Variants in AGO2 observed in about 807,000 individuals in gnomAD.
AGO2 encodes the protein argonaute RISC catalytic component 2.
A neutral mutation model predicts 102.3 loss-of-function variants in AGO2; 5 were observed. That is an observed-to-expected ratio of 0.05 (90% CI 0.03 to 0.10). The LOEUF (loss-of-function observed/expected upper bound fraction) is 0.10. AGO2 is among the 10% of genes least tolerant of loss of function. The pLI, the probability that AGO2 is intolerant of heterozygous loss-of-function variation, is 1.00. For missense variants in AGO2, 541 were observed against 1,183.7 expected (o/e 0.46, Z 7.97); for synonymous variants, 449 against 473.1 (o/e 0.95, Z 0.66).
At chr8:140,583,975 T>C (rs1376223706) in intron 2 of AGO2, among the ~76,000 whole-genome samples, 1 of 151,966 alleles carries the variant, frequency 6.6e-6, no homozygotes, top group Non-Finnish European at 1.5e-5. Flanking sequence ...GGGACCACGG[T>C]GGTATATGTG....
At chr8:140,641,309 C>A in the AGO2 span, among the ~76,000 whole-genome samples, 1 of 151,034 alleles carries the variant, frequency 6.6e-6, no homozygotes, top group African/African-American at 2.5e-5. Flanking sequence ...CACACACACA[C>A]ACACACACAC....
intron 1 of AGO2, among the ~76,000 whole-genome samples, chr8:140,588,731 G>C (rs2073701532): frequency 6.6e-6 from 1 of 152,236 alleles, no homozygotes; most frequent in Admixed American, 6.5e-5. Context: ...CCTGTGGTTG[G>C]AAGGGACCTC....
At chr8:140,554,555 G>C (rs139224595) in intron 10 of AGO2, among the ~76,000 whole-genome samples, 1 of 152,170 alleles carries the variant, frequency 6.6e-6, no homozygotes, top group African/African-American at 2.4e-5. Flanking sequence ...ATCATCCCTG[G>C]GTGATTTTAC....
Position 140,529,968 on chromosome 8 carries a change from C to T in AGO2, c.*2076G>A, listed in dbSNP as rs559816921. On this transcript the variant is annotated 3_prime_UTR_variant, in exon 19 of 19. Coordinates refer to ENST00000220592, the MANE Select transcript of AGO2 (RefSeq NM_012154.5). ...ATTCCCTCCTTAGCTTGAATGCATC[C>T]ATTAATTTAAGCTACGAGCATGTCT... 39 of 152,246 alleles carry T rather than the reference C, an allele frequency of 2.6e-4. No homozygotes were observed. The highest frequency in any genetic ancestry group is 1.7e-3 in the Admixed American group (26 of 15,294). The allele number at this position is 152,246 out of a possible 1,614,324, so 9.4% of individuals were successfully genotyped here. A position where few individuals can be genotyped will look rare whatever the true frequency, so the allele number is the denominator to read the frequency against.
rs796252664 is a variant in AGO2 at position 140,525,458 on chromosome 8, T to C, written c.*6586A>G. On this transcript the variant is annotated 3_prime_UTR_variant, in exon 19 of 19. Coordinates refer to ENST00000220592, the MANE Select transcript of AGO2 (RefSeq NM_012154.5). ...GGGGGCCCAAGCCTCTTGAGGTCGG[T>C]CCGCACAGAACAGCGTGGCGGCAGA... is the stretch of plus-strand genomic sequence containing the variant. 1.8e-4 allele frequency: 27 copies of C among 152,392 alleles called. No homozygotes were observed. The highest frequency in any genetic ancestry group is 6.5e-4 in the African/African-American group (27 of 41,560). The allele number at this position is 152,392 out of a possible 1,614,324, so 9.4% of individuals were successfully genotyped here. A position where few individuals can be genotyped will look rare whatever the true frequency, so the allele number is the denominator to read the frequency against.
rs766748578 is a variant in AGO2 at position 140,535,538 on chromosome 8, G to A, written c.2201C>T (p.Thr734Met). ...GTGGGTGATTTTCGTGTCCACAGTC[G>A]TGCCTGCTGGAATGTTTCCACTTTT... is the stretch of plus-strand genomic sequence containing the variant. ...VGKSGNIPAG[T>M]TVDTKITHPT... The change falls in exon 17 of 19, where the codon ACG becomes ATG. Residue 734 changes from threonine (T) to methionine (M), a missense_variant. Physicochemically the swap from Thr to Met is moderately conservative, Grantham distance 81 (BLOSUM62 -1). Around this residue, in one of 6 missense-constraint regions of AGO2, gnomAD observed 309 missense variants for 735.1 expected, o/e 0.42. Coordinates refer to ENST00000220592, the MANE Select transcript of AGO2 (RefSeq NM_012154.5). The A allele has an allele frequency of 1.2e-6, 2 of 1,614,234 alleles. No homozygotes were observed. The highest frequency in any genetic ancestry group is 8.5e-7 in the Non-Finnish European group (1 of 1,180,026).
At chr8:140,536,159 T>A (rs770019018) in intron 16 of AGO2, among the ~76,000 whole-genome samples, 2 of 152,168 alleles carry the variant, frequency 1.3e-5, no homozygotes, top group Non-Finnish European at 2.9e-5. Flanking sequence ...GTCACAAGCA[T>A]GGACCAAAAA....
intron 1 of AGO2, among the ~76,000 whole-genome samples, chr8:140,611,212 C>T (rs1189151212): frequency 2.0e-5 from 3 of 152,182 alleles, no homozygotes; most frequent in South Asian, 2.1e-4. Flanking sequence ...TACCCTCAGA[C>T]GCTGGACTCA....
At chr8:140,566,637 C>G (rs1314518789) in intron 3 of AGO2, among the ~76,000 whole-genome samples, 1 of 150,910 alleles carries the variant, frequency 6.6e-6, no homozygotes, top group South Asian at 2.1e-4. Flanking sequence ...GGAAGGTGTC[C>G]CGCTCTCAGT....
the AGO2 span, among the ~76,000 whole-genome samples, chr8:140,641,471 G>C: frequency 1.3e-5 from 2 of 152,022 alleles, no homozygotes; most frequent in Non-Finnish European, 1.5e-5. Context: ...TTCTTACCTA[G>C]TATCATGTTT....
rs376453287 is a variant in AGO2 at position 140,558,463 on chromosome 8, T to A, written c.878+22A>T. 3.3e-5 allele frequency: 53 copies of A among 1,613,186 alleles called. No homozygotes were observed. The African/African-American group carries it at 6.4e-4, about 20-fold the overall frequency. Reference sequence around the variant, plus strand: ...ACAGTGGGGGCCCCAGCCAAGAGAGTCTGAAAGGAAGGGCGTGTTACGTTT... The same window carrying A: ...ACAGTGGGGGCCCCAGCCAAGAGAGACTGAAAGGAAGGGCGTGTTACGTTT... On this transcript the variant is annotated intron_variant, in intron 7 of 18. Coordinates refer to ENST00000220592, the MANE Select transcript of AGO2 (RefSeq NM_012154.5).
At chr8:140,533,010 A>G (rs1274554467) in intron 17 of AGO2, among the ~76,000 whole-genome samples, 1 of 151,762 alleles carries the variant, frequency 6.6e-6, no homozygotes, top group Non-Finnish European at 1.5e-5. Flanking sequence ...CAAAAAAAAA[A>G]AAAAAGCATC....
chr8:140,617,274 T>C (rs1588509649), intron 1 of AGO2, among the ~76,000 whole-genome samples: 1 of 152,274 alleles, frequency 6.6e-6, no homozygotes, highest in Non-Finnish European at 1.5e-5. Context: ...CTTTTTTTTT[T>C]TCGAGATGGA....
chr8:140,585,528 A>G (rs2073642920), intron 1 of AGO2, among the ~76,000 whole-genome samples: 2 of 152,186 alleles, frequency 1.3e-5, no homozygotes, highest in South Asian at 4.1e-4. Flanking sequence ...TGCTATGTCC[A>G]TTCCTGTTCT....
intron 1 of AGO2, among the ~76,000 whole-genome samples, chr8:140,614,112 G>A (rs1262927806): frequency 6.6e-6 from 1 of 151,146 alleles, no homozygotes; most frequent in African/African-American, 2.4e-5. Context: ...CATCTCTCAG[G>A]TCAGGAGTTC....
At chr8:140,639,885 G>A (rs2074431108), upstream of AGO2, among the ~76,000 whole-genome samples, 4 of 152,210 alleles carry the variant, frequency 2.6e-5, no homozygotes, top group South Asian at 8.3e-4. Flanking sequence ...GGGCCTGGAT[G>A]TGGTGTTCCC....
At chr8:140,581,983 G>C (rs1030127774) in intron 2 of AGO2, among the ~76,000 whole-genome samples, 33 of 152,232 alleles carry the variant, frequency 2.2e-4, no homozygotes, top group African/African-American at 7.7e-4. Flanking sequence ...TCCAGGAAAA[G>C]AAAAATTTAC....
chr8:140,583,087 A>C (rs2073582542), intron 2 of AGO2, among the ~76,000 whole-genome samples: 1 of 152,176 alleles, frequency 6.6e-6, no homozygotes, highest in African/African-American at 2.4e-5. Context: ...AAAAGGAGAG[A>C]AAGAGTGATT....
Position 140,532,305 on chromosome 8 carries a change from T to C in AGO2, c.2471+111A>G. The C allele has an allele frequency of 2.1e-6, 3 of 1,430,032 alleles. No homozygotes were observed. In the South Asian group the frequency reaches 3.8e-5, roughly 18 times the overall value. The allele number at this position is 1,430,032 out of a possible 1,614,324, so 88.6% of individuals were successfully genotyped here. On this transcript the variant is annotated intron_variant, in intron 18 of 18. Coordinates refer to ENST00000220592, the MANE Select transcript of AGO2 (RefSeq NM_012154.5). Reference sequence around the variant, plus strand: ...CGTGCCATTAACAGGCCTTCTGGGGTGCCGGCTCCAGCCGCTGGGGCCCTG... The same window carrying C: ...CGTGCCATTAACAGGCCTTCTGGGGCGCCGGCTCCAGCCGCTGGGGCCCTG...
Sources: gnomAD v4.1 joint callset for allele counts (sites outside exome capture counted in the v4.1 genomes callset) on GRCh38, gnomAD v4.1.1 for gene constraint, gnomAD v4.1.1 regional missense constraint, MANE v1.5 for transcripts, NCBI Gene and HGNC (gene_info 2026-07-23, HGNC 2026-07-21) for gene names.